BCAS1: variants seen among roughly 807,000 people sequenced by gnomAD.
The protein encoded by BCAS1 is breast carcinoma-amplified sequence 1.
In BCAS1, 46 loss-of-function variants were observed where a neutral mutation model predicts 65.4. That is an observed-to-expected ratio of 0.70 (90% CI 0.55 to 0.90). The LOEUF is 0.90. BCAS1 is among the 40% of genes least tolerant of loss of function. BCAS1 has a pLI of 0.00. For synonymous variants in BCAS1, 298 were observed against 293.5 expected (o/e 1.02, Z -0.16); for missense variants, 793 against 771.2 (o/e 1.03, Z -0.33).
intron 4 of BCAS1, among the ~76,000 whole-genome samples, chr20:54,020,045 C>G (rs970123476): frequency 6.6e-6 from 1 of 152,138 alleles, no homozygotes; most frequent in Admixed American, 6.5e-5. Flanking sequence ...TTTGGAGAAC[C>G]CTGACTAATA....
At chr20:54,012,911 T>C (rs1191088092) in intron 4 of BCAS1, among the ~76,000 whole-genome samples, 1 of 152,250 alleles carries the variant, frequency 6.6e-6, no homozygotes, top group African/African-American at 2.4e-5. Context: ...AGTGCTGTGC[T>C]GCACTGATTC....
At chr20:54,025,085 T>C (rs2091642863) in intron 4 of BCAS1, among the ~76,000 whole-genome samples, 1 of 152,186 alleles carries the variant, frequency 6.6e-6, no homozygotes, top group Admixed American at 6.5e-5. Context: ...GATTGCAGGA[T>C]TTAATTACAC....
chr20:54,015,382 A>C (rs897461213), intron 4 of BCAS1, among the ~76,000 whole-genome samples: 16 of 152,140 alleles, frequency 1.1e-4, no homozygotes, highest in African/African-American at 3.9e-4. Flanking sequence ...CCACTGAAGG[A>C]AGGTCAATAA....
At chr20:54,063,848 G>T (rs916247473) in intron 1 of BCAS1, among the ~76,000 whole-genome samples, 1 of 152,154 alleles carries the variant, frequency 6.6e-6, no homozygotes, top group Non-Finnish European at 1.5e-5. Flanking sequence ...CATGATAAAC[G>T]TACAATTGAA....
intron 4 of BCAS1, among the ~76,000 whole-genome samples, chr20:54,009,828 T>C (rs2091282856): frequency 6.6e-6 from 1 of 152,198 alleles, no homozygotes; most frequent in Non-Finnish European, 1.5e-5. Flanking sequence ...AAACATTCTT[T>C]ACAAAATATT....
intron 4 of BCAS1, among the ~76,000 whole-genome samples, chr20:54,010,497 C>A (rs977229746): frequency 5.5e-4 from 83 of 152,182 alleles, no homozygotes; most frequent in African/African-American, 1.9e-3. Context: ...CCATAATAAT[C>A]ATACGAAAAT....
At position 53,995,965 on chromosome 20, in the gene BCAS1, G is replaced by C. The variant is rs182640580; in HGVS notation, c.809C>G (p.Thr270Ser). 75 of 1,613,708 alleles carry C rather than the reference G, an allele frequency of 4.6e-5. No homozygotes were observed. The East Asian group carries it at 1.7e-3, about 36-fold the overall frequency. Residue 270 changes from threonine to serine, a missense_variant, in exon 5 of 13, where the codon ACT becomes AGT. Transcript: ENST00000688948. ...SVPGDPEGLE[T>S]AKDDSQAAAI... Reference sequence around the variant, plus strand: ...TGCTGCCTGGGAATCGTCCTTTGCAGTCTCCAGTCCTTCTGGGTCCCCAGG... The same window carrying C: ...TGCTGCCTGGGAATCGTCCTTTGCACTCTCCAGTCCTTCTGGGTCCCCAGG...
chr20:54,040,412 G>A (rs1410747734), intron 3 of BCAS1, among the ~76,000 whole-genome samples: 1 of 151,108 alleles, frequency 6.6e-6, no homozygotes, highest in African/African-American at 2.4e-5. Flanking sequence ...TACGGTTGTG[G>A]GGCAGGTTGA....
At chr20:54,056,840 T>C (rs1004230868) in intron 3 of BCAS1, among the ~76,000 whole-genome samples, 1 of 152,174 alleles carries the variant, frequency 6.6e-6, no homozygotes, top group African/African-American at 2.4e-5. Context: ...AACCATAATA[T>C]GATAATGATA....
At chr20:54,053,819 C>A (rs988514449) in intron 3 of BCAS1, among the ~76,000 whole-genome samples, 4 of 152,226 alleles carry the variant, frequency 2.6e-5, no homozygotes, top group African/African-American at 9.6e-5. Flanking sequence ...AGCATTCCAG[C>A]CTCTTTGGCT....
intron 3 of BCAS1, among the ~76,000 whole-genome samples, chr20:54,037,199 A>G (rs290464): frequency 0.54 from 80,946 of 150,940 alleles, 23,373 homozygotes; most frequent in South Asian, 0.61. Flanking sequence ...CATGGCAGGG[A>G]AGGCCTCAGG....
At chr20:53,946,543 T>C (rs537941051) in intron 12 of BCAS1, among the ~76,000 whole-genome samples, 3 of 150,630 alleles carry the variant, frequency 2.0e-5, no homozygotes, top group Admixed American at 6.6e-5. Flanking sequence ...AGAGAGAGTA[T>C]AGTATAGAGT....
intron 9 of BCAS1, among the ~76,000 whole-genome samples, chr20:53,973,545 C>T (rs1318467240): frequency 6.6e-6 from 1 of 152,116 alleles, no homozygotes; most frequent in African/African-American, 2.4e-5. Flanking sequence ...ACACAGGGTT[C>T]CTTAAACAAG....
intron 3 of BCAS1, among the ~76,000 whole-genome samples, chr20:54,038,343 T>C (rs1327372088): frequency 1.3e-5 from 2 of 151,324 alleles, no homozygotes; most frequent in African/African-American, 4.8e-5. Context: ...AATGATCCCA[T>C]TAATTTCTTC....
In BCAS1 at chr20:53,944,801, G is replaced by C; in HGVS notation, c.*121C>G. The C allele has an allele frequency of 3.1e-6, 3 of 957,644 alleles. No individual in the cohort carries two copies. The highest frequency in any genetic ancestry group is 5.1e-6 in the Non-Finnish European group (3 of 588,534). 59.3% of individuals were successfully genotyped at this position (957,644 alleles called of 1,614,324 possible). On this transcript the variant is annotated 3_prime_UTR_variant, in exon 13 of 13. Coordinates refer to ENST00000688948, the MANE Select transcript of BCAS1 (RefSeq NM_001366298.2). ...ACAACAGCTCGGGCTTAATTTCTAG[G>C]CAGAATTTCATTTGCTGGCCATCAG...
At chr20:54,016,652 GTTGA>G (rs1385446856) in intron 4 of BCAS1, among the ~76,000 whole-genome samples, 1 of 152,162 alleles carries the variant, frequency 6.6e-6, no homozygotes, top group Non-Finnish European at 1.5e-5. Flanking sequence ...GGTCCAGGTA[GTTGA>G]TTAAGAAATT....
chr20:53,974,901 C>T (rs2090284516), intron 9 of BCAS1, among the ~76,000 whole-genome samples: 2 of 152,294 alleles, frequency 1.3e-5, no homozygotes, highest in Middle Eastern at 6.8e-3. Flanking sequence ...GAGGTAGACC[C>T]GTCAAGTCAG....
intron 3 of BCAS1, among the ~76,000 whole-genome samples, chr20:54,051,477 A>G (rs1226582345): frequency 6.6e-6 from 1 of 152,130 alleles, no homozygotes; most frequent in African/African-American, 2.4e-5. Flanking sequence ...TGGGCAGTAT[A>G]TGGGAGGAAT....
intron 4 of BCAS1, among the ~76,000 whole-genome samples, chr20:54,006,555 C>G (rs549214202): frequency 3.7e-4 from 56 of 151,930 alleles, no homozygotes; most frequent in Non-Finnish European, 6.5e-4. Context: ...ATTAAAAATA[C>G]AAAAATTAGC....
Sources: gnomAD v4.1 joint callset for allele counts (sites outside exome capture counted in the v4.1 genomes callset) on GRCh38, gnomAD v4.1.1 for gene constraint, MANE v1.5 for transcripts, NCBI Gene and HGNC (gene_info 2026-07-23, HGNC 2026-07-21) for gene names.